EIF2D: variants seen among roughly 807,000 people sequenced by gnomAD.
The protein encoded by EIF2D is eukaryotic translation initiation factor 2D, also known as hepatocellular carcinoma-associated antigen 56.
EIF2D carries 56 observed loss-of-function variants against 77.4 expected under a neutral mutation model. The ratio of observed to expected loss-of-function variants is 0.72; its 90% CI spans 0.58 to 0.90. EIF2D has a LOEUF of 0.90. Ranked by LOEUF, EIF2D falls within the 40% of genes least tolerant of loss-of-function variation. EIF2D has a pLI of 0.00. For missense variants in EIF2D, 574 were observed against 706.5 expected, an observed-to-expected ratio of 0.81 and a Z score of 2.13; for synonymous variants, 230 against 271.0, an observed-to-expected ratio of 0.85 and a Z score of 1.49.
chr1:206,608,197 A>T (rs1358460532), intron 4 of EIF2D, 39 bp downstream of exon 4: 1 of 1,579,226 alleles, frequency 6.3e-7, no homozygotes, highest in Non-Finnish European at 8.7e-7. Context: ...TCTTTTACAC[A>T]AGTTTTTCCC....
chr1:206,585,523 G>C lies in EIF2D; in HGVS notation c.139-4361C>G, dbSNP rs184794688. 2.2e-4 allele frequency: 88 copies of C among 393,272 alleles called. No homozygotes were observed. The East Asian group carries it at 3.4e-3, about 15-fold the overall frequency. 24.4% of individuals were successfully genotyped at this position (393,272 alleles called of 1,614,324 possible). A position where few individuals can be genotyped will look rare whatever the true frequency, so the allele number is the denominator to read the frequency against. ...AGGGCCTGTGTGTGGCAAGGCCTGT[G>C]GAAAGAAAGGATTTCATGTGCTTTA... On this transcript the variant is annotated intron_variant and NMD_transcript_variant, in intron 2 of 5. Coordinates refer to the EIF2D transcript ENST00000472709.
chr1:206,603,132 C>T lies in EIF2D; in HGVS notation c.603G>A (p.Glu201=), dbSNP rs139659467. Reference sequence around the variant, plus strand: ...TGGAGTCCATCTGGACAGACCCCTTCTCTTCACTGAGATCTGCTGAATCCA... The same window carrying T: ...TGGAGTCCATCTGGACAGACCCCTTTTCTTCACTGAGATCTGCTGAATCCA... The part of the protein sequence containing the change: ...LALDSADLSE[E]KGSVQMDSTL... Residue 201 remains glutamate, a synonymous_variant, in exon 6 of 15, where the codon GAG becomes GAA. Transcript: ENST00000271764. 1,185 of 1,614,068 alleles carry T rather than the reference C, an allele frequency of 7.3e-4. 1 individual carries two copies. Among genetic ancestry groups the T allele is most frequent in the Non-Finnish European group, 9.3e-4 (1,103 of 1,180,048 alleles).
chr1:206,588,224 G>A (rs979971369), downstream of EIF2D: 2 of 152,940 alleles, frequency 1.3e-5, no homozygotes, highest in African/African-American at 2.4e-5. Flanking sequence ...TGGCGGCGGT[G>A]TGGGAGACAA....
chr1:206,608,034 C>A (rs1445419349), intron 4 of EIF2D, among the ~76,000 whole-genome samples: 1 of 152,090 alleles, frequency 6.6e-6, no homozygotes, highest in Non-Finnish European at 1.5e-5. Flanking sequence ...AGAGCAGCAA[C>A]AGCAAACAGC....
Position 206,599,200 on chromosome 1 carries a change from G to T in EIF2D, c.1203-108C>A. 1 of 1,102,652 alleles carries T rather than the reference G, an allele frequency of 9.1e-7. No individual in the cohort carries two copies. The highest frequency in any genetic ancestry group is 1.3e-6 in the Non-Finnish European group (1 of 757,284). The allele number at this position is 1,102,652 out of a possible 1,614,324, so 68.3% of individuals were successfully genotyped here. The stretch of plus-strand genomic sequence containing the variant: ...GAGCAGGGAACTTTCCTTAGCTTTC[G>T]GCCTCTAGTTTCTTCCCTTTTCCTG... On this transcript the variant is annotated intron_variant, in intron 10 of 14. Coordinates refer to ENST00000271764, the MANE Select transcript of EIF2D (RefSeq NM_006893.3). This position sits in a 1 kb window ranked among gnomAD's most constrained non-coding sequence, Gnocchi z 4.1.
Position 206,595,788 on chromosome 1 carries a change from T to C in EIF2D, c.1439A>G (p.Glu480Gly), listed in dbSNP as rs1669618480. ...GATTCTCCCTTTCTTCACAATGGGC[T>C]CTTGTCCGGGAAGGGTCACTTGATA... ...PAYQVTLPGQ[E>G]PIVKKGRICP... The change falls in exon 13 of 15, where the codon GAG (glutamate) becomes GGG (glycine). Residue 480 changes from glutamate (E) to glycine (G), a missense_variant. Glu to Gly is a moderately conservative substitution (Grantham distance 98). Coordinates refer to ENST00000271764, the MANE Select transcript of EIF2D (RefSeq NM_006893.3). 1.2e-6 allele frequency: 2 copies of C among 1,614,116 alleles called. No individual in the cohort carries two copies. The highest frequency in any genetic ancestry group is 1.1e-5 in the South Asian group (1 of 91,094).
intron 4 of EIF2D, among the ~76,000 whole-genome samples, chr1:206,574,386 A>G (rs1553404769): frequency 6.6e-6 from 1 of 152,172 alleles, no homozygotes; most frequent in East Asian, 1.9e-4. Context: ...GTCATCTCTC[A>G]AGGTGCCTTT....
chr1:206,611,512 A>C, intron 1 of EIF2D, 138 bp from the exon 2 acceptor site: 1 of 643,778 alleles, frequency 1.6e-6, no homozygotes. Context: ...CTAGTCTCAC[A>C]CACACTCTTC....
At chr1:206,603,334 A>AG in intron 5 of EIF2D, 130 bp from the exon 6 acceptor site, 1 of 1,273,426 alleles carries the variant, frequency 7.9e-7, no homozygotes. Flanking sequence ...GAGGGGGCAG[A>AG]GAGCCTGTGC....
rs1553407216 is a variant in EIF2D, at chr1:206,584,703, C to T, written c.139-3541G>A. On this transcript the variant is annotated intron_variant and NMD_transcript_variant, in intron 2 of 5. Transcript: ENST00000472709. The surrounding 1 kb of genome is among the most constrained non-coding windows in gnomAD (Gnocchi z 4.9). ...GGACAAGGTAGGAGAAAGAGTGAAC[C>T]CAACCAGACCGTTCCCTTCCTACCT... The T allele has an allele frequency of 5.0e-6, 8 of 1,613,618 alleles. No homozygotes were observed. Among genetic ancestry groups the T allele is most frequent in the African/African-American group, 1.3e-5 (1 of 74,842 alleles).
chr1:206,609,868 G>A (rs1670386790), intron 2 of EIF2D, among the ~76,000 whole-genome samples: 1 of 152,162 alleles, frequency 6.6e-6, no homozygotes, highest in South Asian at 2.1e-4. Context: ...AAACCCCTAG[G>A]TCAAAAAGCA....
At chr1:206,581,932 T>A (rs782763456) in intron 2 of EIF2D, among the ~76,000 whole-genome samples, 12 of 152,100 alleles carry the variant, frequency 7.9e-5, no homozygotes, top group Non-Finnish European at 1.2e-4. Context: ...TCGCGGCAGC[T>A]GTGAAATTCC....
chr1:206,607,201 A>T (rs1490613319), intron 4 of EIF2D, among the ~76,000 whole-genome samples: 2 of 152,212 alleles, frequency 1.3e-5, no homozygotes, highest in Non-Finnish European at 2.9e-5. Context: ...GCATAAAAAT[A>T]AAAAAGAAAA....
At chr1:206,586,889 G>A (rs764844474), downstream of EIF2D, 56 of 1,614,042 alleles carry the variant, frequency 3.5e-5, no homozygotes, top group Non-Finnish European at 4.7e-5. Flanking sequence ...AGAGGAGCAG[G>A]ACAAAATCCA....
At chr1:206,575,565 A>T (rs1668609890) in intron 4 of EIF2D, among the ~76,000 whole-genome samples, 1 of 152,090 alleles carries the variant, frequency 6.6e-6, no homozygotes, top group South Asian at 2.1e-4. Context: ...TAGATTGGTT[A>T]TTCCTGCTGC....
At chr1:206,583,685 T>C in intron 2 of EIF2D, 1 of 340,568 alleles carries the variant, frequency 2.9e-6, no homozygotes, top group South Asian at 2.6e-5. Context: ...GGGCCCAGTA[T>C]TGCTTGGCCT....
In EIF2D at chr1:206,579,116, C is replaced by T. The variant is rs1368468244; in HGVS notation, c.*254+1576G>A. Among the ~76,000 whole-genome samples the T allele has an allele frequency of 6.6e-6, 1 of 152,126 alleles. No individual in the cohort carries two copies. The highest frequency in any genetic ancestry group is 1.5e-5 in the Non-Finnish European group (1 of 68,026). On this transcript the variant is annotated intron_variant and NMD_transcript_variant, in intron 4 of 5. Transcript: ENST00000472709. This position sits in a 1 kb window ranked among gnomAD's most constrained non-coding sequence, Gnocchi z 4.2. ...CCTCCAGAGCTAAAAGAAGACATTG[C>T]CCTTTTCCACCGCATAGGACATGTG...
intron 4 of EIF2D, among the ~76,000 whole-genome samples, chr1:206,574,232 C>T (rs372196777): frequency 6.6e-6 from 1 of 152,166 alleles, no homozygotes; most frequent in Non-Finnish European, 1.5e-5. Context: ...GAGGAGTCTG[C>T]GGGAGTGGCC....
At position 206,593,697 on chromosome 1, in the gene EIF2D, G is replaced by C; in HGVS notation, c.1606C>G (p.Pro536Ala). 6.2e-7 allele frequency: 1 copy of C among 1,614,014 alleles called. No homozygotes were observed. Among genetic ancestry groups the C allele is most frequent in the Non-Finnish European group, 8.5e-7 (1 of 1,179,984 alleles). Residue 536 changes from proline to alanine, a missense_variant, in exon 14 of 15, where the codon CCT becomes GCT. By Grantham distance (27) the Pro-to-Ala change is conservative. Transcript: ENST00000271764. ...QRCQASTTVN[P>A]APGAKDSLQV... is the part of the protein sequence containing the mutation. ...AGGCTGTCCTTGGCCCCAGGGGCAG[G>C]ATTGACGGTGGTGCTAGCCTGGCAT... is the stretch of plus-strand genomic sequence containing the variant.
Sources: gnomAD v4.1 joint callset for allele counts (sites outside exome capture counted in the v4.1 genomes callset) on GRCh38, gnomAD v4.1.1 for gene constraint, Gnocchi (gnomAD v3.1) non-coding constraint, MANE v1.5 for transcripts, NCBI Gene and HGNC (gene_info 2026-07-23, HGNC 2026-07-21) for gene names.